SLC25A31: variants seen among roughly 807,000 people sequenced by gnomAD.
SLC25A31 encodes the protein ADP/ATP translocase 4.
SLC25A31 carries 40 observed loss-of-function variants against 36.2 expected under a neutral mutation model. The ratio of observed to expected loss-of-function variants is 1.10; its 90% confidence interval spans 0.86 to 1.44. SLC25A31 has a LOEUF of 1.44. Ranked by LOEUF, SLC25A31 falls within the 40% of genes most tolerant of loss-of-function variation. The probability of loss-of-function intolerance (pLI) is 0.00; values close to 1 mark genes in which losing one functional copy is unlikely to be tolerated. For synonymous variants in SLC25A31, 143 were observed against 149.7 expected (o/e 0.96, Z 0.32); for missense variants, 350 against 397.1 (o/e 0.88, Z 1.01).
chr4:127,764,495 C>T, intron 3 of SLC25A31, 135 bp downstream of exon 3: 3 of 647,084 alleles, frequency 4.6e-6, no homozygotes, highest in Non-Finnish European at 7.8e-6. Flanking sequence ...ATGGTGGAGT[C>T]ATAGGGCCTA....
chr4:127,773,814 TTTTAA>T lies in SLC25A31; in HGVS notation c.*244_*248del, dbSNP rs940136193. The stretch of plus-strand genomic sequence containing the variant: ...TATTTCATTTATTATAGGTAGTATA[TTTTAA>T]TTTGTTAGTTTAAAATTCTTTTTAT... On this transcript the variant is annotated 3_prime_UTR_variant, in exon 6 of 6. Transcript: ENST00000281154. 4 of 311,686 alleles carry T rather than the reference TTTTAA, an allele frequency of 1.3e-5. No individual in the cohort carries two copies. The highest frequency in any genetic ancestry group is 2.1e-5 in the African/African-American group (1 of 46,790). 19.3% of individuals were successfully genotyped at this position (311,686 alleles called of 1,614,324 possible). A position where few individuals can be genotyped will look rare whatever the true frequency, so the allele number is the denominator to read the frequency against.
intron 2 of SLC25A31, among the ~76,000 whole-genome samples, chr4:127,750,222 A>G (rs1441777633): frequency 6.8e-6 from 1 of 147,140 alleles, no homozygotes; most frequent in Non-Finnish European, 1.5e-5. Flanking sequence ...ATAACATGAA[A>G]ACATATGAAA....
At chr4:127,745,865 G>A (rs192996266) in intron 2 of SLC25A31, among the ~76,000 whole-genome samples, 25 of 152,136 alleles carry the variant, frequency 1.6e-4, no homozygotes, top group African/African-American at 4.6e-4. Flanking sequence ...AGGTAATCTC[G>A]TGTCACAGGG....
At chr4:127,754,143 G>A (rs942570811) in intron 2 of SLC25A31, among the ~76,000 whole-genome samples, 12 of 152,042 alleles carry the variant, frequency 7.9e-5, no homozygotes, top group Admixed American at 5.9e-4. Context: ...TAGAAGGAAT[G>A]TATCTCAACA....
chr4:127,731,413 T>A (rs1731523588), intron 1 of SLC25A31, among the ~76,000 whole-genome samples: 1 of 150,596 alleles, frequency 6.6e-6, no homozygotes, highest in Admixed American at 6.6e-5. Flanking sequence ...AGATAAAAAG[T>A]ATTTTAAGGC....
intron 2 of SLC25A31, among the ~76,000 whole-genome samples, chr4:127,747,861 G>A (rs1338272806): frequency 6.6e-6 from 1 of 152,126 alleles, no homozygotes. Flanking sequence ...TTATACTGTG[G>A]TTTATTAAAG....
chr4:127,756,491 A>AG (rs1454389474), intron 2 of SLC25A31, among the ~76,000 whole-genome samples: 1 of 152,218 alleles, frequency 6.6e-6, no homozygotes, highest in Non-Finnish European at 1.5e-5. Context: ...TCATTTAGAC[A>AG]GGAGGAATAA....
intron 5 of SLC25A31, among the ~76,000 whole-genome samples, chr4:127,770,667 G>C (rs1732339006): frequency 1.3e-5 from 2 of 151,670 alleles, no homozygotes; most frequent in Admixed American, 1.3e-4. Flanking sequence ...AGTGTTTAAG[G>C]ATAAACGGCA....
chr4:127,731,908 G>A (rs1262681714), intron 1 of SLC25A31, among the ~76,000 whole-genome samples: 2 of 151,912 alleles, frequency 1.3e-5, no homozygotes, highest in Non-Finnish European at 2.9e-5. Context: ...AATAAAGATG[G>A]GATCAGTATT....
chr4:127,730,400 G>A lies in SLC25A31; in HGVS notation c.-146G>A. ...TGCGCAGCTTTTCCGCACGCGCCTC[G>A]CCGGCGCGCGGCTCTCTCAGCGTCC... is the stretch of plus-strand genomic sequence containing the variant. On this transcript the variant is annotated 5_prime_UTR_variant, in exon 1 of 6. Coordinates refer to ENST00000281154, the MANE Select transcript of SLC25A31 (RefSeq NM_031291.4). 2.3e-6 allele frequency: 2 copies of A among 854,366 alleles called. No homozygotes were observed. The highest frequency in any genetic ancestry group is 1.8e-5 in the South Asian group (1 of 55,032). The allele number at this position is 854,366 out of a possible 1,614,324, so 52.9% of individuals were successfully genotyped here.
At position 127,749,076 on chromosome 4, in the gene SLC25A31, TA is replaced by T. The variant is rs539607762; in HGVS notation, c.360+4289del. On this transcript the variant is annotated intron_variant, in intron 2 of 5. Transcript: ENST00000281154. Reference sequence around the variant, plus strand: ...ACTTTAATAATGAAATTGAAACCATTAAAAAAAAAAAACAGAACAAAACGGA... The same window carrying T: ...ACTTTAATAATGAAATTGAAACCATTAAAAAAAAAAACAGAACAAAACGGA... Among the ~76,000 whole-genome samples, 225 of 137,404 alleles carry T rather than the reference TA, an allele frequency of 1.6e-3. 2 individuals are homozygous for T. Among genetic ancestry groups the T allele is most frequent in the Middle Eastern group, 0.014 (4 of 278 alleles). The allele number at this position is 137,404 out of a possible 152,430, so 90.1% of individuals were successfully genotyped here. A position where few individuals can be genotyped will look rare whatever the true frequency, so the allele number is the denominator to read the frequency against.
chr4:127,748,018 G>C (rs780641588), intron 2 of SLC25A31, among the ~76,000 whole-genome samples: 13 of 152,170 alleles, frequency 8.5e-5, no homozygotes, highest in Non-Finnish European at 1.6e-4. Context: ...CACGTGATGT[G>C]TTGCCACAGT....
intron 1 of SLC25A31, among the ~76,000 whole-genome samples, chr4:127,739,792 G>GTA (rs1427942843): frequency 1.3e-5 from 2 of 151,598 alleles, no homozygotes; most frequent in Non-Finnish European, 2.9e-5. Context: ...TCTTTTTTCT[G>GTA]TATTTTTGTC....
At chr4:127,734,094 A>G (rs1213167523) in intron 1 of SLC25A31, among the ~76,000 whole-genome samples, 1 of 152,212 alleles carries the variant, frequency 6.6e-6, no homozygotes, top group Non-Finnish European at 1.5e-5. Flanking sequence ...TATTATGCAA[A>G]TAATGCATAA....
At chr4:127,731,655 A>C (rs1016270461) in intron 1 of SLC25A31, among the ~76,000 whole-genome samples, 2 of 152,168 alleles carry the variant, frequency 1.3e-5, no homozygotes, top group African/African-American at 4.8e-5. Context: ...ACCGCACTCC[A>C]GCCTGGATGA....
At chr4:127,748,272 G>A (rs903149341) in intron 2 of SLC25A31, among the ~76,000 whole-genome samples, 4 of 152,054 alleles carry the variant, frequency 2.6e-5, no homozygotes, top group Non-Finnish European at 5.9e-5. Flanking sequence ...CCTATAAATC[G>A]GCTCCTGCCC....
At chr4:127,746,493 A>G (rs1249532645) in intron 2 of SLC25A31, among the ~76,000 whole-genome samples, 1 of 152,042 alleles carries the variant, frequency 6.6e-6, no homozygotes, top group Non-Finnish European at 1.5e-5. Flanking sequence ...ACCATGAGAC[A>G]GTATCACATT....
In SLC25A31 at chr4:127,768,744, T is replaced by C. The variant is rs1018958443; in HGVS notation, c.634-8T>C. The C allele has an allele frequency of 1.2e-5, 19 of 1,573,118 alleles. No homozygotes were observed. In the East Asian group the frequency reaches 4.1e-4, roughly 34 times the overall value. On this transcript the variant is annotated splice_region_variant and splice_polypyrimidine_tract_variant and intron_variant, in intron 4 of 5. Transcript: ENST00000281154. ...TGGATAGTTACTTGGCACATTTTTC[T>C]TTTCTAGGGTTTATTACCAAAGCCA... is the stretch of plus-strand genomic sequence containing the variant.
chr4:127,744,065 A>T (rs988163966), intron 1 of SLC25A31, among the ~76,000 whole-genome samples: 1 of 152,184 alleles, frequency 6.6e-6, no homozygotes, highest in East Asian at 1.9e-4. Context: ...GGGTTGGTCA[A>T]TCCCTGGAGA....
Sources: gnomAD v4.1 joint callset for allele counts (sites outside exome capture counted in the v4.1 genomes callset) on GRCh38, gnomAD v4.1.1 for gene constraint, MANE v1.5 for transcripts, NCBI Gene and HGNC (gene_info 2026-07-23, HGNC 2026-07-21) for gene names.